UBE2E2: variants seen among roughly 807,000 people sequenced by gnomAD.
UBE2E2 encodes ubiquitin-conjugating enzyme E2 E2.
A neutral mutation model predicts 24.7 loss-of-function variants in UBE2E2; 6 were observed. That is an observed-to-expected ratio of 0.24 (90% CI 0.13 to 0.48). The LOEUF (loss-of-function observed/expected upper bound fraction) is 0.48, where lower values mean the gene tolerates loss of function less well. UBE2E2 is among the 20% of genes least tolerant of loss of function. The probability of loss-of-function intolerance (pLI) is 0.99; values close to 1 mark genes in which losing one functional copy is unlikely to be tolerated. For synonymous variants in UBE2E2, 104 were observed against 83.6 expected (o/e 1.24, Z -1.33); for missense variants, 169 against 245.0 (o/e 0.69, Z 2.07).
At chr3:23,225,873 GTTTTTTT>G (rs10717256) in intron 3 of UBE2E2, among the ~76,000 whole-genome samples, 1 of 146,612 alleles carries the variant, frequency 6.8e-6, no homozygotes, top group Non-Finnish European at 1.5e-5. Flanking sequence ...AGAAGAAAGT[GTTTTTTT>G]TTTTTGTTTT....
chr3:23,534,346 C>A, intron 5 of UBE2E2: 1 of 627,502 alleles, frequency 1.6e-6, no homozygotes, highest in Non-Finnish European at 2.0e-6. Flanking sequence ...TTTTTTGCTC[C>A]GTTTCAGAAA....
chr3:23,427,143 A>G (rs1697945361), intron 3 of UBE2E2, among the ~76,000 whole-genome samples: 1 of 151,880 alleles, frequency 6.6e-6, no homozygotes. Context: ...AAGTATGGCC[A>G]GGCAGGGTGG....
chr3:23,533,730 C>T (rs973893209), intron 5 of UBE2E2, among the ~76,000 whole-genome samples: 19 of 143,610 alleles, frequency 1.3e-4, no homozygotes, highest in African/African-American at 4.7e-4. Context: ...TCAAGCGATT[C>T]TCCTATCTTA....
intron 3 of UBE2E2, among the ~76,000 whole-genome samples, chr3:23,356,400 T>G (rs893677747): frequency 1.3e-5 from 2 of 152,206 alleles, no homozygotes; most frequent in African/African-American, 4.8e-5. Context: ...TTAGGCAGTG[T>G]TAGGTAAGTG....
At chr3:23,272,749 C>G (rs1559328875) in intron 3 of UBE2E2, among the ~76,000 whole-genome samples, 1 of 151,980 alleles carries the variant, frequency 6.6e-6, no homozygotes, top group Non-Finnish European at 1.5e-5. Flanking sequence ...GATATGGAGA[C>G]GGCAAGCTGG....
chr3:23,350,123 C>T (rs185920117), intron 3 of UBE2E2, among the ~76,000 whole-genome samples: 4,446 of 152,302 alleles, frequency 0.029, 116 homozygotes, highest in East Asian at 0.13. Context: ...CCCAGGCAAA[C>T]AGGGTCTGGA....
intron 2 of UBE2E2, among the ~76,000 whole-genome samples, chr3:23,211,994 T>A (rs1696339630): frequency 6.6e-6 from 1 of 152,220 alleles, no homozygotes. Flanking sequence ...ATGCCGTAAT[T>A]AAATACATTT....
chr3:23,475,826 G>A (rs1286412650), intron 3 of UBE2E2, among the ~76,000 whole-genome samples: 2 of 152,004 alleles, frequency 1.3e-5, no homozygotes, highest in Non-Finnish European at 2.9e-5. Flanking sequence ...AAGAATGCTA[G>A]GTACATCATG....
intron 3 of UBE2E2, among the ~76,000 whole-genome samples, chr3:23,266,810 T>C (rs4578972): frequency 0.84 from 128,146 of 152,084 alleles, 54,115 homozygotes; most frequent in African/African-American, 0.91. Flanking sequence ...GGAAGTAAAG[T>C]TCTCCTCAGC....
intron 3 of UBE2E2, among the ~76,000 whole-genome samples, chr3:23,247,086 C>T (rs1697432356): frequency 6.6e-6 from 1 of 152,090 alleles, no homozygotes; most frequent in Non-Finnish European, 1.5e-5. Context: ...AAATCCTAGA[C>T]CCAAGCAGTC....
chr3:23,251,347 A>G (rs1697569688), intron 3 of UBE2E2, among the ~76,000 whole-genome samples: 1 of 152,166 alleles, frequency 6.6e-6, no homozygotes, highest in Non-Finnish European at 1.5e-5. Context: ...TTGACTTTTC[A>G]TTTTATGTTA....
chr3:23,227,267 C>G (rs1696851595), intron 3 of UBE2E2, among the ~76,000 whole-genome samples: 1 of 152,174 alleles, frequency 6.6e-6, no homozygotes, highest in Admixed American at 6.6e-5. Context: ...GAAACCTCAA[C>G]TCTCTGGTTG....
rs1378773987 is a variant in UBE2E2 at position 23,474,708 on chromosome 3, CA to C, written c.228-24899del. ...TGGTAATAATGCGTTAGACCAATTACAGTCTTACACAGTCTTCATCTTCCTC... is the reference window on the plus strand; with the variant it reads ...TGGTAATAATGCGTTAGACCAATTACGTCTTACACAGTCTTCATCTTCCTC... On this transcript the variant is annotated intron_variant, in intron 3 of 5. Transcript: ENST00000396703. This position sits in a 1 kb window ranked among gnomAD's most constrained non-coding sequence, Gnocchi z 4.0. Among the ~76,000 whole-genome samples the C allele has an allele frequency of 6.6e-6, 1 of 152,048 alleles. No individual in the cohort carries two copies.
intron 1 of UBE2E2, chr3:23,204,772 G>A: frequency 2.0e-6 from 2 of 983,032 alleles, no homozygotes; most frequent in Non-Finnish European, 2.4e-6. Context: ...ATATTGCTGT[G>A]TGCATATACT....
intron 5 of UBE2E2, among the ~76,000 whole-genome samples, chr3:23,539,994 T>G (rs2125491387): frequency 6.6e-6 from 1 of 152,322 alleles, no homozygotes; most frequent in East Asian, 1.9e-4. Flanking sequence ...AGTCCCAGTG[T>G]GTCCCTCACC....
intron 3 of UBE2E2, among the ~76,000 whole-genome samples, chr3:23,362,200 C>A (rs1696136461): frequency 6.6e-6 from 1 of 152,110 alleles, no homozygotes; most frequent in Non-Finnish European, 1.5e-5. Flanking sequence ...CAGGGGGACA[C>A]AGAGAGCAGA....
chr3:23,381,531 G>T (rs1696671168), intron 3 of UBE2E2, among the ~76,000 whole-genome samples: 1 of 152,146 alleles, frequency 6.6e-6, no homozygotes, highest in Non-Finnish European at 1.5e-5. Flanking sequence ...TAGTCATTCT[G>T]TAAGAGCTCC....
intron 3 of UBE2E2, among the ~76,000 whole-genome samples, chr3:23,244,289 C>T (rs1357046664): frequency 2.0e-5 from 3 of 152,056 alleles, no homozygotes; most frequent in Non-Finnish European, 4.4e-5. Context: ...TATGTTGTCA[C>T]CATATGTTTG....
At chr3:23,331,942 A>G (rs59452748) in intron 3 of UBE2E2, among the ~76,000 whole-genome samples, 1 of 152,208 alleles carries the variant, frequency 6.6e-6, no homozygotes, top group Non-Finnish European at 1.5e-5. Flanking sequence ...AACTAATTTT[A>G]AAATTTTTTT....
Sources: allele counts gnomAD v4.1 joint callset (sites outside exome capture counted in the v4.1 genomes callset), GRCh38; gene constraint gnomAD v4.1.1; non-coding constraint Gnocchi (gnomAD v3.1); transcripts MANE v1.5; gene names NCBI Gene and HGNC (gene_info 2026-07-23, HGNC 2026-07-21).